The following PRIMA1 variants were observed in gnomAD, a reference collection of about 807,000 sequenced individuals.
PRIMA1 encodes the protein proline rich membrane anchor 1.
PRIMA1 carries 7 observed loss-of-function variants against 17.5 expected under a neutral mutation model. The ratio of observed to expected loss-of-function variants is 0.40; its 90% CI spans 0.23 to 0.75. The LOEUF (loss-of-function observed/expected upper bound fraction) is 0.75. Ranked by LOEUF, PRIMA1 falls within the 30% of genes least tolerant of loss-of-function variation. The probability of loss-of-function intolerance (pLI) is 0.37; values close to 1 mark genes in which losing one functional copy is unlikely to be tolerated. For missense variants in PRIMA1, 200 were observed against 201.8 expected (o/e 0.99, Z 0.05); for synonymous variants, 97 against 77.9 (o/e 1.25, Z -1.29).
chr14:93,783,960 T>G (rs1287830264), intron 2 of PRIMA1, among the ~76,000 whole-genome samples: 1 of 150,616 alleles, frequency 6.6e-6, no homozygotes, highest in African/African-American at 2.5e-5. Context: ...AGTGCAGTTT[T>G]GGGTCCAGCA....
intron 3 of PRIMA1, among the ~76,000 whole-genome samples, chr14:93,775,160 C>G (rs1885177509): frequency 6.6e-6 from 1 of 152,178 alleles, no homozygotes; most frequent in Non-Finnish European, 1.5e-5. Flanking sequence ...TTGTGAGTGG[C>G]AAGAATGCAA....
intron 3 of PRIMA1, among the ~76,000 whole-genome samples, chr14:93,774,203 G>A (rs1481006264): frequency 1.3e-5 from 2 of 152,202 alleles, no homozygotes; most frequent in Non-Finnish European, 2.9e-5. Flanking sequence ...GAAGAAGGGT[G>A]GCCCAGCAGT....
At chr14:93,733,587 C>T (rs1181505908) in intron 4 of PRIMA1, among the ~76,000 whole-genome samples, 25 of 152,074 alleles carry the variant, frequency 1.6e-4, no homozygotes, top group Non-Finnish European at 3.7e-4. Flanking sequence ...ATCCTCTTGG[C>T]AACCTGGCTC....
At chr14:93,741,733 G>C (rs1043254955) in intron 3 of PRIMA1, among the ~76,000 whole-genome samples, 1 of 152,196 alleles carries the variant, frequency 6.6e-6, no homozygotes, top group African/African-American at 2.4e-5. Context: ...CTTTGTGAGA[G>C]ACAGGTGGTC....
intron 2 of PRIMA1, among the ~76,000 whole-genome samples, chr14:93,784,977 T>C (rs1457719758): frequency 3.3e-5 from 5 of 152,078 alleles, no homozygotes; most frequent in African/African-American, 1.2e-4. Context: ...GGGTTCAACA[T>C]CACTTGGGTC....
At position 93,779,228 on chromosome 14, in the gene PRIMA1, C is replaced by T. The variant is rs767584089; in HGVS notation, c.177G>A (p.Pro59=). ...RHVCQCRPPP[P]LPPPPPPPPP... ...GCGGGGGTGGGGGCGGCGGGGGCAG[C>T]GGGGGAGGGGGCCGGCACTGGCAGA... Residue 59 remains proline (P), a synonymous_variant, in exon 3 of 5, where the codon CCG becomes CCA. Coordinates refer to ENST00000393140, the MANE Select transcript of PRIMA1 (RefSeq NM_178013.4). 1.5e-4 allele frequency: 41 copies of T among 276,556 alleles called. No individual in the cohort carries two copies. Among genetic ancestry groups the T allele is most frequent in the South Asian group, 2.2e-4 (5 of 23,186 alleles). 17.1% of individuals were successfully genotyped at this position (276,556 alleles called of 1,614,324 possible).
chr14:93,752,140 A>G (rs2076263632), intron 3 of PRIMA1, among the ~76,000 whole-genome samples: 1 of 152,158 alleles, frequency 6.6e-6, no homozygotes, highest in African/African-American at 2.4e-5. Flanking sequence ...GGAGACAGCC[A>G]CCCGGATCCT....
At chr14:93,762,567 C>G (rs914360617) in intron 3 of PRIMA1, among the ~76,000 whole-genome samples, 1 of 152,126 alleles carries the variant, frequency 6.6e-6, no homozygotes, top group African/African-American at 2.4e-5. Context: ...CTCACATCCC[C>G]CCTGGTGCCA....
At chr14:93,732,825 C>CAGCTGAGCCT (rs2076123598) in intron 4 of PRIMA1, among the ~76,000 whole-genome samples, 1 of 152,114 alleles carries the variant, frequency 6.6e-6, no homozygotes, top group African/African-American at 2.4e-5. Context: ...CAGCTGAGCC[C>CAGCTGAGCCT]GGCGGGGCTG....
intron 3 of PRIMA1, among the ~76,000 whole-genome samples, chr14:93,767,931 G>A (rs1483695882): frequency 1.3e-5 from 2 of 152,292 alleles, no homozygotes; most frequent in East Asian, 3.9e-4. Flanking sequence ...TGGCTGCAGG[G>A]GATGGTAGGT....
intron 3 of PRIMA1, among the ~76,000 whole-genome samples, chr14:93,744,950 G>T (rs2076207457): frequency 6.6e-6 from 1 of 152,120 alleles, no homozygotes; most frequent in Non-Finnish European, 1.5e-5. Flanking sequence ...TCTCTACTGT[G>T]CAGGAGGGAA....
intron 3 of PRIMA1, among the ~76,000 whole-genome samples, chr14:93,777,446 C>T (rs900542652): frequency 2.6e-5 from 4 of 152,336 alleles, no homozygotes; most frequent in Admixed American, 6.5e-5. Flanking sequence ...AAGCAATTCT[C>T]CTGCCTCAGC....
intron 3 of PRIMA1, among the ~76,000 whole-genome samples, chr14:93,769,620 A>G (rs1395450075): frequency 6.6e-6 from 1 of 152,190 alleles, no homozygotes; most frequent in Non-Finnish European, 1.5e-5. Flanking sequence ...TTTCATAAGG[A>G]GCCTGTCGCC....
At chr14:93,741,346 C>T (rs1020574420) in intron 3 of PRIMA1, among the ~76,000 whole-genome samples, 1 of 152,234 alleles carries the variant, frequency 6.6e-6, no homozygotes, top group African/African-American at 2.4e-5. Flanking sequence ...CTTTGGGCTA[C>T]AGCTGGGTCT....
At chr14:93,784,873 G>A (rs1885477336) in intron 2 of PRIMA1, among the ~76,000 whole-genome samples, 1 of 152,118 alleles carries the variant, frequency 6.6e-6, no homozygotes, top group Non-Finnish European at 1.5e-5. Context: ...AGGCCACTAA[G>A]CCCCTTGCAC....
chr14:93,787,530 G>C, intron 2 of PRIMA1, 96 bp downstream of exon 2: 1 of 1,498,338 alleles, frequency 6.7e-7, no homozygotes, highest in Non-Finnish European at 9.0e-7. Flanking sequence ...CCAATCAGTG[G>C]GGTGGCTGCA....
intron 3 of PRIMA1, among the ~76,000 whole-genome samples, chr14:93,774,375 C>A (rs1885149606): frequency 6.6e-6 from 1 of 152,178 alleles, no homozygotes; most frequent in East Asian, 1.9e-4. Flanking sequence ...CAATGCCTGC[C>A]TGGCCATGTG....
At chr14:93,723,228 G>A (rs1363319982) in intron 4 of PRIMA1, among the ~76,000 whole-genome samples, 1 of 152,142 alleles carries the variant, frequency 6.6e-6, no homozygotes. Flanking sequence ...GGGTTCCCAG[G>A]GGTGCCAGGG....
chr14:93,740,804 G>A, intron 3 of PRIMA1, among the ~76,000 whole-genome samples: 1 of 152,218 alleles, frequency 6.6e-6, no homozygotes, highest in Non-Finnish European at 1.5e-5. Flanking sequence ...TCTCACACAA[G>A]GCAGAATTGT....
Sources: allele counts gnomAD v4.1 joint callset (sites outside exome capture counted in the v4.1 genomes callset), GRCh38; gene constraint gnomAD v4.1.1; transcripts MANE v1.5; gene names NCBI Gene and HGNC (gene_info 2026-07-23, HGNC 2026-07-21).